WHRN: variants seen among roughly 807,000 people sequenced by gnomAD.
WHRN encodes the protein whirlin, also known as CASK-interacting protein CIP98.
In WHRN, 41 loss-of-function variants were observed where a neutral mutation model predicts 68.3. That is an observed-to-expected ratio of 0.60 (90% CI 0.47 to 0.78). The LOEUF (loss-of-function observed/expected upper bound fraction) is 0.78. Among genes scored for constraint, WHRN ranks in the 30% least tolerant of loss-of-function variants. The pLI is 0.00. For synonymous variants in WHRN, 560 were observed against 561.3 expected (o/e 1.00, Z 0.03); for missense variants, 1,243 against 1,244.7 (o/e 1.00, Z 0.02).
Position 114,403,756 on chromosome 9 carries a change from C to T in WHRN, c.2418+140G>A. 3.6e-6 allele frequency: 4 copies of T among 1,115,892 alleles called. No homozygotes were observed. In the Admixed American group the frequency reaches 6.9e-5, roughly 19 times the overall value. 69.1% of individuals were successfully genotyped at this position (1,115,892 alleles called of 1,614,324 possible). The stretch of plus-strand genomic sequence containing the variant: ...TAATCCAGTGCTCCTCCAGGACGTC[C>T]AAATCCCTCCAGTTATAGGGAGCTC... On this transcript the variant is annotated intron_variant, in intron 10 of 11. Transcript: ENST00000362057.
At chr9:114,440,006 G>A (rs1240682042) in intron 3 of WHRN, among the ~76,000 whole-genome samples, 5 of 152,176 alleles carry the variant, frequency 3.3e-5, no homozygotes, top group African/African-American at 9.7e-5. Flanking sequence ...TCCGTCTCCC[G>A]GGTTCAAGCG....
intron 3 of WHRN, among the ~76,000 whole-genome samples, chr9:114,456,717 C>T (rs1839832199): frequency 1.3e-5 from 2 of 151,854 alleles, no homozygotes; most frequent in Non-Finnish European, 2.9e-5. Context: ...GTAGTGTCAG[C>T]TCCTTGGAGG....
chr9:114,431,759 A>G (rs1359834503), intron 3 of WHRN, among the ~76,000 whole-genome samples: 1 of 152,246 alleles, frequency 6.6e-6, no homozygotes, highest in Non-Finnish European at 1.5e-5. Context: ...AGGAAAATAA[A>G]GCAGAAAATA....
intron 1 of WHRN, among the ~76,000 whole-genome samples, chr9:114,482,255 TAAGA>T (rs1410866655): frequency 6.6e-6 from 1 of 152,074 alleles, no homozygotes; most frequent in Non-Finnish European, 1.5e-5. Context: ...CCTGATTGAT[TAAGA>T]AAGTAAATAT....
At chr9:114,484,146 A>G (rs941108210) in intron 1 of WHRN, among the ~76,000 whole-genome samples, 1 of 152,114 alleles carries the variant, frequency 6.6e-6, no homozygotes, top group African/African-American at 2.4e-5. Flanking sequence ...CAGGATACGC[A>G]CCCCAACTCG....
At position 114,462,917 on chromosome 9, in the gene WHRN, T is replaced by G. The variant is rs116306542; in HGVS notation, c.963+3350A>C. ...GATAATAAAAGACACTACTCATCAG[T>G]AATCAGAGAGAGAGGGCGAGATGCT... On this transcript the variant is annotated intron_variant, in intron 3 of 11. Transcript: ENST00000362057. Among the ~76,000 whole-genome samples, 1,168 of 152,318 alleles carry G rather than the reference T, an allele frequency of 7.7e-3. 6 individuals are homozygous for G. Among genetic ancestry groups the G allele is most frequent in the African/African-American group, 0.026 (1,089 of 41,558 alleles).
At chr9:114,503,806 A>G in intron 1 of WHRN, 1 of 246,680 alleles carries the variant, frequency 4.1e-6, no homozygotes, top group African/African-American at 2.3e-5. Flanking sequence ...AACAAAAAAC[A>G]AAAAACCACA....
At chr9:114,464,096 C>T (rs1840463789) in intron 3 of WHRN, among the ~76,000 whole-genome samples, 1 of 152,196 alleles carries the variant, frequency 6.6e-6, no homozygotes, top group Non-Finnish European at 1.5e-5. Context: ...AATGTACACA[C>T]CTACTATGCA....
intron 1 of WHRN, among the ~76,000 whole-genome samples, chr9:114,492,202 C>T (rs1843041839): frequency 6.6e-6 from 1 of 151,920 alleles, no homozygotes; most frequent in South Asian, 2.1e-4. Flanking sequence ...AAACAAATTC[C>T]GTCCCAGGGG....
Position 114,486,997 on chromosome 9 carries a change from AT to A in WHRN, c.619-8227del, listed in dbSNP as rs1564218188. On this transcript the variant is annotated intron_variant, in intron 1 of 11. Coordinates refer to ENST00000362057, the MANE Select transcript of WHRN (RefSeq NM_015404.4). ...TATATATATATATATATATATATAT[AT>A]ATATATATATAATATATATAGTGTT... is the stretch of plus-strand genomic sequence containing the variant. 1.1e-4 allele frequency among the ~76,000 whole-genome samples: 8 copies of A among 76,110 alleles called. 1 individual carries two copies. Among genetic ancestry groups the A allele is most frequent in the African/African-American group, 4.8e-4 (8 of 16,680 alleles). 49.9% of individuals were successfully genotyped at this position (76,110 alleles called of 152,430 possible).
intron 2 of WHRN, among the ~76,000 whole-genome samples, chr9:114,468,637 G>A (rs1385608049): frequency 6.6e-6 from 1 of 152,078 alleles, no homozygotes; most frequent in Non-Finnish European, 1.5e-5. Flanking sequence ...TCCAGGACCA[G>A]CCCCAGTTTT....
Position 114,423,368 on chromosome 9 carries a change from G to A in WHRN, c.1572C>T (p.Asp524=). Residue 524 remains aspartate, a synonymous_variant, in exon 7 of 12, where the codon GAC becomes GAT. Transcript: ENST00000362057. ...CGTGGCTGCCTGTGGATGAACCCGT[G>A]TCACTGTAGGAGACCATGGAGTAGG... The part of the protein sequence containing the change: ...GDTYSMVSYS[D]TGSSTGSHGT... The A allele has an allele frequency of 6.2e-7, 1 of 1,614,068 alleles. No homozygotes were observed. The highest frequency in any genetic ancestry group is 1.1e-5 in the South Asian group (1 of 91,086).
intron 9 of WHRN, among the ~76,000 whole-genome samples, chr9:114,405,816 G>A (rs1834985054): frequency 6.6e-6 from 1 of 152,224 alleles, no homozygotes; most frequent in African/African-American, 2.4e-5. Context: ...CAGCTTTCAG[G>A]GTGGGGAGGC....
chr9:114,490,782 C>A (rs889834990), intron 1 of WHRN, among the ~76,000 whole-genome samples: 1 of 152,174 alleles, frequency 6.6e-6, no homozygotes, highest in African/African-American at 2.4e-5. Context: ...GGGATAAAAT[C>A]CTGACCTTGG....
rs778565930 is a variant in WHRN, at chr9:114,424,365, G to A, written c.1385C>T (p.Ala462Val). Residue 462 changes from alanine to valine, a missense_variant, in exon 6 of 12, where the codon GCC (alanine) becomes GTC (valine). Ala to Val is a moderately conservative substitution (Grantham distance 64). Transcript: ENST00000362057. The stretch of plus-strand genomic sequence containing the variant: ...GTGGGTGTTGAGCAGCTTGAACAGG[G>A]CCATGACGAGGGCCTCCACAGAGAC... The part of the protein sequence containing the change: ...GSVSVEALVM[A>V]LFKLLNTHAK... The A allele has an allele frequency of 6.2e-7, 1 of 1,612,232 alleles. No homozygotes were observed. The highest frequency in any genetic ancestry group is 1.3e-5 in the African/African-American group (1 of 74,874).
At position 114,402,220 on chromosome 9, in the gene WHRN, G is replaced by T. The variant is rs1015150796; in HGVS notation, c.*534C>A. The T allele has an allele frequency of 5.8e-6, 1 of 173,570 alleles. No homozygotes were observed. Among genetic ancestry groups the T allele is most frequent in the Non-Finnish European group, 1.3e-5 (1 of 79,330 alleles). The allele number at this position is 173,570 out of a possible 1,614,324, so 10.8% of individuals were successfully genotyped here. On this transcript the variant is annotated 3_prime_UTR_variant, in exon 12 of 12. Coordinates refer to ENST00000362057, the MANE Select transcript of WHRN (RefSeq NM_015404.4). ...AGCTGGGGCCTTGGGGTCCCCAGGG[G>T]CATGGGGAGGGAAATAAATAATAAA...
chr9:114,447,264 G>A (rs981752306), intron 3 of WHRN, among the ~76,000 whole-genome samples: 6 of 152,122 alleles, frequency 3.9e-5, no homozygotes, highest in Non-Finnish European at 7.4e-5. Flanking sequence ...AGGAAGGGCC[G>A]TGCAGTGGCC....
intron 9 of WHRN, among the ~76,000 whole-genome samples, chr9:114,405,068 CTCTTT>C (rs1273527009): frequency 2.7e-5 from 3 of 112,454 alleles, no homozygotes; most frequent in East Asian, 2.6e-4. Flanking sequence ...CTCTCTCTCT[CTCTTT>C]TTTTTTTTTT....
intron 1 of WHRN, among the ~76,000 whole-genome samples, chr9:114,496,552 A>T (rs1207116556): frequency 1.3e-5 from 2 of 152,184 alleles, no homozygotes; most frequent in Non-Finnish European, 2.9e-5. Context: ...ACAAACAAAC[A>T]AAAAAACTAA....
Sources: allele counts gnomAD v4.1 joint callset (sites outside exome capture counted in the v4.1 genomes callset), GRCh38; gene constraint gnomAD v4.1.1; transcripts MANE v1.5; gene names NCBI Gene and HGNC (gene_info 2026-07-23, HGNC 2026-07-21).